FREM3: variants seen among roughly 807,000 people sequenced by gnomAD.
The protein encoded by FREM3 is FRAS1-related extracellular matrix protein 3.
FREM3 carries 105 observed loss-of-function variants against 129.1 expected under a neutral mutation model. The observed-to-expected ratio is 0.81, with a 90% confidence interval of 0.69 to 0.96. The LOEUF (loss-of-function observed/expected upper bound fraction) is 0.96. FREM3 is among the 40% of genes least tolerant of loss of function. The pLI, the probability that FREM3 is intolerant of heterozygous loss-of-function variation, is 0.00. For synonymous variants in FREM3, 1,014 were observed against 1,044.9 expected (o/e 0.97, Z 0.57); for missense variants, 2,593 against 2,666.3 (o/e 0.97, Z 0.61).
intron 3 of FREM3, among the ~76,000 whole-genome samples, chr4:143,625,607 G>C (rs1739025565): frequency 1.3e-5 from 2 of 152,210 alleles, no homozygotes; most frequent in Non-Finnish European, 2.9e-5. Flanking sequence ...ATAAAAAAGA[G>C]TGAATGGTGT....
intron 2 of FREM3, 150 bp downstream of exon 2, chr4:143,692,962 AG>A: frequency 2.3e-6 from 1 of 431,894 alleles, no homozygotes; most frequent in South Asian, 6.6e-5. Flanking sequence ...TGAAACAAAA[AG>A]AATTAATTTG....
Position 143,696,234 on chromosome 4 carries a change from T to G in FREM3, c.4442A>C (p.Glu1481Ala), listed in dbSNP as rs1740565626. 6.5e-7 allele frequency: 1 copy of G among 1,537,872 alleles called. No homozygotes were observed. The highest frequency in any genetic ancestry group is 8.7e-7 in the Non-Finnish European group (1 of 1,147,064). ...GHLESSDYAGEPIASFTQLQL... is the reference protein window; with the variant it reads ...GHLESSDYAGAPIASFTQLQL... Reference sequence around the variant, plus strand: ...AAGTTGAGTGAAAGAGGCAATGGGTTCCCCAGCATAGTCAGAACTTTCTAA... The same window carrying G: ...AAGTTGAGTGAAAGAGGCAATGGGTGCCCCAGCATAGTCAGAACTTTCTAA... Residue 1481 changes from glutamate to alanine, a missense_variant, in exon 1 of 8, where the codon GAA becomes GCA. Physicochemically the swap from Glu to Ala is moderately radical, Grantham distance 107. This residue lies in a region of FREM3 where 2,276 missense variants were observed against 2,267.2 expected (regional missense o/e 1.00). Coordinates refer to ENST00000329798, the MANE Select transcript of FREM3 (RefSeq NM_001168235.2).
intron 2 of FREM3, among the ~76,000 whole-genome samples, chr4:143,689,004 A>T (rs1002677338): frequency 4.6e-5 from 7 of 152,242 alleles, no homozygotes; most frequent in Non-Finnish European, 1.0e-4. Context: ...AGGAAATGCA[A>T]TAAAAGCAAA....
At chr4:143,688,066 T>A (rs1460354885) in intron 2 of FREM3, among the ~76,000 whole-genome samples, 1 of 152,106 alleles carries the variant, frequency 6.6e-6, no homozygotes, top group Admixed American at 6.6e-5. Context: ...AAAGATGAAG[T>A]CAAACTGTCA....
intron 2 of FREM3, among the ~76,000 whole-genome samples, chr4:143,688,508 G>A (rs1740406921): frequency 6.6e-6 from 1 of 152,066 alleles, no homozygotes; most frequent in Non-Finnish European, 1.5e-5. Flanking sequence ...ATTATTCACA[G>A]AATTAGGAAA....
chr4:143,656,029 A>G (rs1361511775), intron 2 of FREM3, among the ~76,000 whole-genome samples: 1 of 152,214 alleles, frequency 6.6e-6, no homozygotes, highest in African/African-American at 2.4e-5. Context: ...GAAGTCTCTT[A>G]AGAAAACAGA....
intron 7 of FREM3, among the ~76,000 whole-genome samples, chr4:143,584,833 C>G (rs1738209985): frequency 6.6e-6 from 1 of 152,186 alleles, no homozygotes; most frequent in Admixed American, 6.5e-5. Context: ...ATACATTCTT[C>G]TCTTCTGCAC....
chr4:143,662,379 T>C (rs1007009362), intron 2 of FREM3, among the ~76,000 whole-genome samples: 11 of 152,222 alleles, frequency 7.2e-5, no homozygotes, highest in African/African-American at 2.7e-4. Flanking sequence ...TTGTTCAGTT[T>C]CCATGTAGTT....
intron 5 of FREM3, among the ~76,000 whole-genome samples, chr4:143,620,446 A>T (rs1416121049): frequency 6.6e-6 from 1 of 152,156 alleles, no homozygotes; most frequent in African/African-American, 2.4e-5. Context: ...ATAGTTGCTA[A>T]TAAGATGTTA....
chr4:143,637,833 C>T (rs537759938), intron 2 of FREM3, among the ~76,000 whole-genome samples: 2 of 152,244 alleles, frequency 1.3e-5, no homozygotes, highest in African/African-American at 4.8e-5. Flanking sequence ...AGACAATGCT[C>T]TTAAATCCAC....
At chr4:143,595,146 C>T (rs943182502) in intron 6 of FREM3, among the ~76,000 whole-genome samples, 1 of 152,174 alleles carries the variant, frequency 6.6e-6, no homozygotes, top group African/African-American at 2.4e-5. Flanking sequence ...GGTGAGGTAA[C>T]AGAAACACTG....
At chr4:143,590,757 T>TGGAG (rs1417439633) in intron 6 of FREM3, among the ~76,000 whole-genome samples, 3 of 152,220 alleles carry the variant, frequency 2.0e-5, no homozygotes, top group African/African-American at 7.2e-5. Flanking sequence ...CCTCATAAAA[T>TGGAG]GAGTTAGGGA....
chr4:143,614,603 G>C (rs537457725), intron 5 of FREM3, among the ~76,000 whole-genome samples: 1 of 152,324 alleles, frequency 6.6e-6, no homozygotes, highest in East Asian at 1.9e-4. Context: ...TTCATTGTTT[G>C]CAGAGGTAGA....
intron 5 of FREM3, 87 bp downstream of exon 5, chr4:143,620,950 G>A: frequency 1.5e-6 from 2 of 1,320,600 alleles, no homozygotes. Context: ...ACTCTGCTTT[G>A]CTCACCCTCT....
At position 143,696,404 on chromosome 4, in the gene FREM3, G is replaced by C; in HGVS notation, c.4272C>G (p.Ser1424Arg). 1 of 1,537,386 alleles carries C rather than the reference G, an allele frequency of 6.5e-7. No individual in the cohort carries two copies. The highest frequency in any genetic ancestry group is 1.2e-5 in the South Asian group (1 of 84,038). Reference protein sequence around the residue: ...YFYVTIGNLDSVFPEVISKRI... With the variant: ...YFYVTIGNLDRVFPEVISKRI... ...TTTTGCTGATTACCTCAGGGAAGACGCTGTCTAAGTTGCCAATGGTGACAT... is the reference window on the plus strand; with the variant it reads ...TTTTGCTGATTACCTCAGGGAAGACCCTGTCTAAGTTGCCAATGGTGACAT... The change falls in exon 1 of 8, where the codon AGC becomes AGG. Residue 1424 changes from serine to arginine, a missense_variant. Physicochemically the swap from Ser to Arg is moderately radical, Grantham distance 110. This residue lies in a region of FREM3 where 2,276 missense variants were observed against 2,267.2 expected (regional missense o/e 1.00). Transcript: ENST00000329798.
chr4:143,660,974 G>C (rs995460028), intron 2 of FREM3, among the ~76,000 whole-genome samples: 2 of 152,154 alleles, frequency 1.3e-5, no homozygotes, highest in African/African-American at 4.8e-5. Flanking sequence ...TCAGCTTAAG[G>C]AGATTTTGGG....
intron 2 of FREM3, among the ~76,000 whole-genome samples, chr4:143,688,256 T>G (rs1337347603): frequency 6.6e-6 from 1 of 152,028 alleles, no homozygotes; most frequent in East Asian, 1.9e-4. Flanking sequence ...ACTCAACCCC[T>G]TTTAAAATAG....
chr4:143,605,983 C>T (rs1222751623), intron 6 of FREM3, among the ~76,000 whole-genome samples: 6 of 152,172 alleles, frequency 3.9e-5, no homozygotes, highest in Admixed American at 1.3e-4. Flanking sequence ...TCTACACAGA[C>T]ATCTGCTCAG....
Position 143,647,712 on chromosome 4 carries a change from C to A in FREM3, c.5276-19952G>T, listed in dbSNP as rs375700458. Among the ~76,000 whole-genome samples the A allele has an allele frequency of 3.3e-5, 5 of 152,284 alleles. No homozygotes were observed. The East Asian group carries it at 7.7e-4, about 24-fold the overall frequency. On this transcript the variant is annotated intron_variant, in intron 2 of 7. Transcript: ENST00000329798. ...GAAGTCAAGAATTGGTGTTTGGGAA[C>A]CTCTGCCTAGATTTCAGAGGATGTA...
Sources: allele counts gnomAD v4.1 joint callset (sites outside exome capture counted in the v4.1 genomes callset), GRCh38; gene constraint gnomAD v4.1.1; regional missense constraint gnomAD v4.1.1; transcripts MANE v1.5; gene names NCBI Gene and HGNC (gene_info 2026-07-23, HGNC 2026-07-21).